The following NEBL variants were observed in gnomAD, a reference collection of about 807,000 sequenced individuals.
NEBL encodes LIM and SH3 protein 2.
In NEBL, 122 loss-of-function variants were observed where a neutral mutation model predicts 140.2. The observed-to-expected ratio is 0.87, with a 90% CI of 0.75 to 1.01. NEBL has a LOEUF of 1.01. Among genes scored for constraint, NEBL ranks in the 50% least tolerant of loss-of-function variants. The pLI is 0.00. For missense variants in NEBL, 1,365 were observed against 1,231.3 expected, an observed-to-expected ratio of 1.11 and a Z score of -1.62; for synonymous variants, 436 against 398.9, an observed-to-expected ratio of 1.09 and a Z score of -1.11.
intron 7 of NEBL, among the ~76,000 whole-genome samples, chr10:20,865,318 G>A (rs1456425620): frequency 6.6e-6 from 1 of 152,146 alleles, no homozygotes; most frequent in East Asian, 1.9e-4. Context: ...TTTACTCACA[G>A]TAACTCATTT....
At chr10:21,163,020 C>T (rs564619688) in intron 2 of NEBL, among the ~76,000 whole-genome samples, 4 of 152,270 alleles carry the variant, frequency 2.6e-5, no homozygotes, top group South Asian at 2.1e-4. Flanking sequence ...TCCAATGAAT[C>T]CTTAATCCTA....
At chr10:20,843,064 T>C (rs574274559) in intron 12 of NEBL, among the ~76,000 whole-genome samples, 18 of 152,116 alleles carry the variant, frequency 1.2e-4, no homozygotes, top group African/African-American at 3.9e-4. Context: ...CTAGCCCCCA[T>C]TGTGACCGTA....
intron 2 of NEBL, among the ~76,000 whole-genome samples, chr10:21,101,747 C>T (rs577855849): frequency 6.6e-6 from 1 of 152,310 alleles, no homozygotes; most frequent in South Asian, 2.1e-4. Flanking sequence ...AAGCACGCCA[C>T]TAAAACAACT....
At chr10:21,110,559 G>T in intron 2 of NEBL, 1 of 206,150 alleles carries the variant, frequency 4.9e-6, no homozygotes, top group Non-Finnish European at 9.9e-6. Flanking sequence ...TGCCTATTCA[G>T]CGATTTTCAT....
rs374236248 is a variant in NEBL at position 21,283,792 on chromosome 10, G to C, written n.182+9038C>G. On this transcript the variant is annotated intron_variant and non_coding_transcript_variant, in intron 1 of 8. Transcript: ENST00000675702. ...GGTTTTCAGAGCTTCTTAGACTTCA[G>C]AACAGATAAGGGACCTGAGCTGAAT... 4.5e-4 allele frequency among the ~76,000 whole-genome samples: 69 copies of C among 152,128 alleles called. 1 individual carries two copies. Among genetic ancestry groups the C allele is most frequent in the African/African-American group, 1.6e-3 (66 of 41,510 alleles).
At chr10:20,902,177 G>A (rs1847900059), upstream of NEBL, among the ~76,000 whole-genome samples, 1 of 152,092 alleles carries the variant, frequency 6.6e-6, no homozygotes, top group Non-Finnish European at 1.5e-5. Flanking sequence ...ACCGAGACAG[G>A]CGGATCATGA....
intron 2 of NEBL, among the ~76,000 whole-genome samples, chr10:21,046,157 T>G (rs1364812260): frequency 6.6e-6 from 1 of 152,102 alleles, no homozygotes; most frequent in East Asian, 1.9e-4. Context: ...ATGATCTCAC[T>G]CATCCATGAA....
chr10:20,827,267 GAGAGA>G (rs1839967812), intron 17 of NEBL, among the ~76,000 whole-genome samples: 4 of 152,202 alleles, frequency 2.6e-5, no homozygotes, highest in Non-Finnish European at 5.9e-5. Flanking sequence ...AGCACGGTAG[GAGAGA>G]TGTTTTCCTC....
chr10:20,989,164 T>C (rs1175492523), intron 3 of NEBL, among the ~76,000 whole-genome samples: 1 of 152,212 alleles, frequency 6.6e-6, no homozygotes, highest in Non-Finnish European at 1.5e-5. Flanking sequence ...GAATAGAAGA[T>C]TTGTAATCTT....
At chr10:20,950,580 C>T (rs555073488) in intron 4 of NEBL, among the ~76,000 whole-genome samples, 3 of 152,260 alleles carry the variant, frequency 2.0e-5, no homozygotes, top group South Asian at 2.1e-4. Context: ...GAAATCCACA[C>T]GGCCTGATGC....
At chr10:20,976,563 T>C (rs192565934) in intron 3 of NEBL, among the ~76,000 whole-genome samples, 121 of 152,232 alleles carry the variant, frequency 7.9e-4, no homozygotes, top group Non-Finnish European at 1.1e-3. Context: ...AGGTGCTACA[T>C]ATACACCATG....
intron 3 of NEBL, among the ~76,000 whole-genome samples, chr10:21,236,971 CAA>C (rs983052957): frequency 1.3e-5 from 2 of 152,164 alleles, no homozygotes; most frequent in South Asian, 2.1e-4. Flanking sequence ...GTAACTGACC[CAA>C]AGTCACAGAC....
At chr10:20,842,384 T>C (rs1390237102) in intron 12 of NEBL, among the ~76,000 whole-genome samples, 1 of 151,916 alleles carries the variant, frequency 6.6e-6, no homozygotes, top group Admixed American at 6.6e-5. Flanking sequence ...CAAAGGGCAA[T>C]GGGGGGATCA....
At chr10:20,952,133 T>G (rs6482157) in intron 4 of NEBL, among the ~76,000 whole-genome samples, 115,423 of 152,066 alleles carry the variant, frequency 0.76, 43,973 homozygotes, top group Admixed American at 0.83. Context: ...TGAAAAGTTT[T>G]AAAGGTTCAA....
At chr10:20,809,651 T>G (rs972306130) in intron 25 of NEBL, among the ~76,000 whole-genome samples, 155 bp downstream of exon 25, 17 of 152,192 alleles carry the variant, frequency 1.1e-4, no homozygotes, top group Non-Finnish European at 2.1e-4. Context: ...CATAAATGAC[T>G]AATTGTATTT....
intron 2 of NEBL, among the ~76,000 whole-genome samples, chr10:21,125,261 A>T (rs1342207895): frequency 4.6e-5 from 7 of 152,054 alleles, no homozygotes; most frequent in Admixed American, 4.6e-4. Context: ...GCCACTGTGC[A>T]CATTCATTAG....
chr10:20,857,720 CT>C (rs1367150630), intron 9 of NEBL, among the ~76,000 whole-genome samples: 2 of 152,108 alleles, frequency 1.3e-5, no homozygotes, highest in Non-Finnish European at 2.9e-5. Flanking sequence ...AAGAACTCAC[CT>C]TTCTCTTCTG....
intron 3 of NEBL, among the ~76,000 whole-genome samples, chr10:20,995,125 CTGAACGTCAGGA>C (rs1837615421): frequency 6.6e-6 from 1 of 152,190 alleles, no homozygotes; most frequent in Non-Finnish European, 1.5e-5. Flanking sequence ...GAAGCAAAGT[CTGAACGTCAGGA>C]CAGGGAAAAA....
intron 3 of NEBL, among the ~76,000 whole-genome samples, chr10:20,983,377 C>T (rs1268387724): frequency 6.6e-6 from 1 of 152,166 alleles, no homozygotes; most frequent in Admixed American, 6.5e-5. Context: ...ATGCACTAAA[C>T]TCCAATGATA....
Sources: gnomAD v4.1 joint callset for allele counts (sites outside exome capture counted in the v4.1 genomes callset) on GRCh38, gnomAD v4.1.1 for gene constraint, MANE v1.5 for transcripts, NCBI Gene and HGNC (gene_info 2026-07-23, HGNC 2026-07-21) for gene names.